Variants in CTCFL observed in about 807,000 individuals in gnomAD.
CTCFL encodes the protein transcriptional repressor CTCFL.
A neutral mutation model predicts 67.4 loss-of-function variants in CTCFL; 36 were observed. The observed-to-expected ratio is 0.53, with a 90% CI of 0.41 to 0.71. CTCFL has a LOEUF of 0.71. Ranked by LOEUF, CTCFL falls within the 30% of genes least tolerant of loss-of-function variation. The pLI is 0.00. For synonymous variants in CTCFL, 324 were observed against 302.3 expected, an observed-to-expected ratio of 1.07 and a Z score of -0.75; for missense variants, 786 against 835.2, an observed-to-expected ratio of 0.94 and a Z score of 0.73.
intron 7 of CTCFL, 79 bp downstream of exon 7, chr20:57,514,513 G>A (rs2068774462): frequency 1.9e-6 from 3 of 1,541,030 alleles, no homozygotes; most frequent in Non-Finnish European, 2.7e-6. Context: ...ATCAGGGCCA[G>A]TACTTTGCAG....
At chr20:57,524,304 C>T in intron 1 of CTCFL, 88 bp from the exon 2 acceptor site, 5 of 1,518,550 alleles carry the variant, frequency 3.3e-6, no homozygotes, top group Non-Finnish European at 4.4e-6. Flanking sequence ...ACCTAGCAGG[C>T]TTTGGAGTTG....
intron 8 of CTCFL, among the ~76,000 whole-genome samples, chr20:57,511,903 A>T (rs2068588226): frequency 6.6e-6 from 1 of 152,142 alleles, no homozygotes. Context: ...TACATTGTTC[A>T]TTTTTTAAAA....
At chr20:57,520,118 G>A (rs2069243203) in intron 3 of CTCFL, among the ~76,000 whole-genome samples, 1 of 152,204 alleles carries the variant, frequency 6.6e-6, no homozygotes, top group African/African-American at 2.4e-5. Context: ...AAGAGGGAAG[G>A]TGGCCCCAGT....
intron 9 of CTCFL, among the ~76,000 whole-genome samples, chr20:57,505,318 C>T (rs949730204): frequency 1.6e-4 from 25 of 151,740 alleles, no homozygotes; most frequent in African/African-American, 5.1e-4. Context: ...TGCAGTGGCA[C>T]GATCTCTGCT....
intron 5 of CTCFL, among the ~76,000 whole-genome samples, chr20:57,516,877 C>T (rs548373948): frequency 1.3e-5 from 2 of 152,338 alleles, no homozygotes; most frequent in South Asian, 2.1e-4. Context: ...ATTCTGTATT[C>T]GTGTATCACA....
rs534534312 is a variant in CTCFL, at chr20:57,518,686, T to C, written c.1059+72A>G. On this transcript the variant is annotated intron_variant, in intron 5 of 10. Coordinates refer to ENST00000243914, the MANE Select transcript of CTCFL (RefSeq NM_001386993.1). ...GTTTGTAACAGATTCTACTGTTAGT[T>C]ACACTTGGAGTAACTTGTACAGCAG... The C allele has an allele frequency of 8.5e-5, 137 of 1,612,888 alleles. No individual in the cohort carries two copies. The South Asian group carries it at 1.4e-3, about 16-fold the overall frequency.
In CTCFL at chr20:57,512,740, C is replaced by A. The variant is rs6092491; in HGVS notation, c.1343G>T (p.Arg448Leu). The part of the protein sequence containing the change: ...ARKSDLRVHM[R>L]NLHAYSAAEL... ...TGCAGCGCTGTAAGCATGCAAGTTG[C>A]GCATATGCACACCTAAAATGGTCAC... Residue 448 changes from arginine to leucine, a missense_variant, in exon 8 of 11, where the codon CGC (arginine) becomes CTC (leucine). By Grantham distance (102) the Arg-to-Leu change is moderately radical. Coordinates refer to ENST00000243914, the MANE Select transcript of CTCFL (RefSeq NM_001386993.1). 1 of 1,614,064 alleles carries A rather than the reference C, an allele frequency of 6.2e-7. No individual in the cohort carries two copies. Among genetic ancestry groups the A allele is most frequent in the East Asian group, 2.2e-5 (1 of 44,886 alleles).
Position 57,498,094 on chromosome 20 carries a change from G to T in CTCFL, c.*456C>A. 1 of 925,114 alleles carries T rather than the reference G, an allele frequency of 1.1e-6. No individual in the cohort carries two copies. Among genetic ancestry groups the T allele is most frequent in the Non-Finnish European group, 1.3e-6 (1 of 775,158 alleles). The allele number at this position is 925,114 out of a possible 1,614,324, so 57.3% of individuals were successfully genotyped here. Reference sequence around the variant, plus strand: ...CCATATATTATTAGAAATATCATGGGTGTATATAATGCAACATAAAAATGT... The same window carrying T: ...CCATATATTATTAGAAATATCATGGTTGTATATAATGCAACATAAAAATGT... On this transcript the variant is annotated 3_prime_UTR_variant, in exon 11 of 11. Transcript: ENST00000243914.
chr20:57,515,052 C>T (rs942751772), intron 6 of CTCFL: 1 of 315,502 alleles, frequency 3.2e-6, no homozygotes, highest in Non-Finnish European at 5.8e-6. Context: ...TAACACAAGA[C>T]ATCAAGTACC....
Position 57,513,527 on chromosome 20 carries a change from C to T in CTCFL, c.1331-775G>A, listed in dbSNP as rs754184989. 8.4e-6 allele frequency: 9 copies of T among 1,065,692 alleles called. No homozygotes were observed. The African/African-American group carries it at 1.4e-4, about 16-fold the overall frequency. The allele number at this position is 1,065,692 out of a possible 1,614,324, so 66.0% of individuals were successfully genotyped here. On this transcript the variant is annotated intron_variant, in intron 7 of 10. Coordinates refer to ENST00000243914, the MANE Select transcript of CTCFL (RefSeq NM_001386993.1). ...TTATAGGGCTATGTGGAGTGTATCA[C>T]CCACTGGCATGAGATGGATATAAAC...
At chr20:57,506,028 A>G (rs2068191052) in intron 9 of CTCFL, among the ~76,000 whole-genome samples, 2 of 152,230 alleles carry the variant, frequency 1.3e-5, no homozygotes, top group Non-Finnish European at 2.9e-5. Context: ...CAGGTTGTTT[A>G]AACTTCTTCC....
rs2068681144 is a variant in CTCFL at position 57,513,228 on chromosome 20, T to C, written c.1331-476A>G. 9.2e-6 allele frequency: 9 copies of C among 983,344 alleles called. No individual in the cohort carries two copies. The South Asian group carries it at 3.3e-4, about 36-fold the overall frequency. The allele number at this position is 983,344 out of a possible 1,614,324, so 60.9% of individuals were successfully genotyped here. A position where few individuals can be genotyped will look rare whatever the true frequency, so the allele number is the denominator to read the frequency against. On this transcript the variant is annotated intron_variant, in intron 7 of 10. Transcript: ENST00000243914. ...TTTATATAAAAAGATATAATATCTT[T>C]ATTTTACCTTAAATAATCCACTCGT...
chr20:57,500,085 A>ATTTTTTTTTTTTTTTTTTT (rs3068009), intron 10 of CTCFL: 1 of 639,826 alleles, frequency 1.6e-6, no homozygotes. Context: ...TCCTTGAAGT[A>ATTTTTTTTTTTTTTTTTTT]TTTTTTTTTT....
Position 57,497,206 on chromosome 20 carries a change from A to G in CTCFL, c.*1344T>C. The G allele has an allele frequency of 1.1e-6, 1 of 934,678 alleles. No homozygotes were observed. Among genetic ancestry groups the G allele is most frequent in the Non-Finnish European group, 1.3e-6 (1 of 783,722 alleles). The allele number at this position is 934,678 out of a possible 1,614,324, so 57.9% of individuals were successfully genotyped here. On this transcript the variant is annotated 3_prime_UTR_variant, in exon 11 of 11. Coordinates refer to ENST00000243914, the MANE Select transcript of CTCFL (RefSeq NM_001386993.1). ...ATTTCATTTTATTGAATTATGTAAA[A>G]CATCTTTAAATAACAGTAAAAAAAT...
chr20:57,496,958 C>T (rs117063444), downstream of CTCFL, among the ~76,000 whole-genome samples: 148 of 151,390 alleles, frequency 9.8e-4, 2 homozygotes, highest in East Asian at 0.026. Flanking sequence ...TCTGGGTATA[C>T]GGTATATCTG....
chr20:57,497,359 A>G lies in CTCFL; in HGVS notation c.*1191T>C. 1.0e-6 allele frequency: 1 copy of G among 985,312 alleles called. No homozygotes were observed. The highest frequency in any genetic ancestry group is 1.2e-6 in the Non-Finnish European group (1 of 829,830). 61.0% of individuals were successfully genotyped at this position (985,312 alleles called of 1,614,324 possible). A position where few individuals can be genotyped will look rare whatever the true frequency, so the allele number is the denominator to read the frequency against. On this transcript the variant is annotated 3_prime_UTR_variant, in exon 11 of 11. Coordinates refer to ENST00000243914, the MANE Select transcript of CTCFL (RefSeq NM_001386993.1). ...GAATATAATGCTCTTCCTGCTGGGA[A>G]ATTATTTCCACATATTCACATTGTA...
At position 57,497,485 on chromosome 20, in the gene CTCFL, G is replaced by A. The variant is rs2067739859; in HGVS notation, c.*1065C>T. 2 of 985,282 alleles carry A rather than the reference G, an allele frequency of 2.0e-6. No homozygotes were observed. Among genetic ancestry groups the A allele is most frequent in the Admixed American group, 6.2e-5 (1 of 16,258 alleles). 61.0% of individuals were successfully genotyped at this position (985,282 alleles called of 1,614,324 possible). On this transcript the variant is annotated 3_prime_UTR_variant, in exon 11 of 11. Coordinates refer to ENST00000243914, the MANE Select transcript of CTCFL (RefSeq NM_001386993.1). Reference sequence around the variant, plus strand: ...TCTTGAAATACAGGGGTGGAGACAGGTTGGCAGCAAAACAAACTGCTCAAC... The same window carrying A: ...TCTTGAAATACAGGGGTGGAGACAGATTGGCAGCAAAACAAACTGCTCAAC...
intron 10 of CTCFL, among the ~76,000 whole-genome samples, chr20:57,501,062 A>T (rs1318740589): frequency 6.6e-6 from 1 of 152,080 alleles, no homozygotes; most frequent in Non-Finnish European, 1.5e-5. Context: ...GTCAAATTTC[A>T]CCGGTCTGTC....
At chr20:57,516,174 A>G (rs2068906097) in intron 5 of CTCFL, among the ~76,000 whole-genome samples, 1 of 128,304 alleles carries the variant, frequency 7.8e-6, no homozygotes, top group Non-Finnish European at 1.8e-5. Context: ...AATAGTTACA[A>G]AATTTAGATT....
Sources: gnomAD v4.1 joint callset for allele counts (sites outside exome capture counted in the v4.1 genomes callset) on GRCh38, gnomAD v4.1.1 for gene constraint, MANE v1.5 for transcripts, NCBI Gene and HGNC (gene_info 2026-07-23, HGNC 2026-07-21) for gene names.